Variants in STXBP4 observed in about 807,000 individuals in gnomAD.
STXBP4 encodes syntaxin binding protein 4.
A neutral mutation model predicts 76.1 loss-of-function variants in STXBP4; 55 were observed. The observed-to-expected ratio is 0.72, with a 90% confidence interval of 0.58 to 0.91. The LOEUF (loss-of-function observed/expected upper bound fraction) is 0.91, where lower values mean the gene tolerates loss of function less well. Among genes scored for constraint, STXBP4 ranks in the 40% least tolerant of loss-of-function variants. STXBP4 has a pLI of 0.00. For missense variants in STXBP4, 618 were observed against 636.9 expected, an observed-to-expected ratio of 0.97 and a Z score of 0.32; for synonymous variants, 201 against 220.2, an observed-to-expected ratio of 0.91 and a Z score of 0.77.
chr17:55,203,422 G>A, the STXBP4 span, among the ~76,000 whole-genome samples: 2 of 152,074 alleles, frequency 1.3e-5, no homozygotes, highest in African/African-American at 2.4e-5. Flanking sequence ...TTAAAAAAAC[G>A]ACAGCTACAT....
At chr17:55,001,811 T>TTACTA (rs1339439081) in intron 7 of STXBP4, among the ~76,000 whole-genome samples, 4 of 152,112 alleles carry the variant, frequency 2.6e-5, no homozygotes, top group African/African-American at 9.7e-5. Context: ...TTTTTGTACT[T>TTACTA]TTAGTAGAGA....
Position 55,048,180 on chromosome 17 carries a change from G to C in STXBP4, c.1011+1026G>C, listed in dbSNP as rs539051785. On this transcript the variant is annotated intron_variant, in intron 12 of 17. Coordinates refer to ENST00000376352, the MANE Select transcript of STXBP4 (RefSeq NM_178509.6). ...TTTCTGAGGAAGAACCAGATCAATA[G>C]AGAATGGATAGAATTCCTTGGAGAC... Among the ~76,000 whole-genome samples the C allele has an allele frequency of 3.3e-5, 5 of 152,006 alleles. No homozygotes were observed. In the South Asian group the frequency reaches 6.2e-4, roughly 19 times the overall value.
intron 12 of STXBP4, among the ~76,000 whole-genome samples, chr17:55,054,224 C>T (rs986632937): frequency 5.9e-5 from 9 of 152,242 alleles, no homozygotes; most frequent in East Asian, 1.9e-4. Context: ...CAGTGGCTCA[C>T]GCCTATAATC....
At chr17:55,119,380 T>G (rs1200991035) in intron 16 of STXBP4, among the ~76,000 whole-genome samples, 18 of 152,134 alleles carry the variant, frequency 1.2e-4, no homozygotes. Context: ...TGATGGATTG[T>G]AAAGGAGTCA....
intron 1 of STXBP4, among the ~76,000 whole-genome samples, chr17:54,973,161 G>C (rs1056181185): frequency 2.6e-5 from 4 of 152,188 alleles, no homozygotes; most frequent in Non-Finnish European, 5.9e-5. Flanking sequence ...ATGGATAGGG[G>C]AAGCAGGCTT....
At chr17:55,133,732 A>C (rs1357877936) in intron 16 of STXBP4, among the ~76,000 whole-genome samples, 2 of 152,202 alleles carry the variant, frequency 1.3e-5, no homozygotes, top group African/African-American at 4.8e-5. Flanking sequence ...GGTAGTGATC[A>C]ACAGCATCAC....
the STXBP4 span, among the ~76,000 whole-genome samples, chr17:55,193,399 G>C: frequency 6.6e-6 from 1 of 152,140 alleles, no homozygotes; most frequent in Non-Finnish European, 1.5e-5. Flanking sequence ...TAGGATTCTT[G>C]AGCACAGTTT....
At chr17:55,072,872 TA>T in intron 12 of STXBP4, 27 bp from the exon 13 acceptor site, 1 of 1,567,198 alleles carries the variant, frequency 6.4e-7, no homozygotes, top group Non-Finnish European at 8.6e-7. Context: ...ATGTATTTTT[TA>T]AATGACATTA....
At chr17:55,083,207 C>CTGAA (rs1363316161) in intron 16 of STXBP4, among the ~76,000 whole-genome samples, 2 of 152,036 alleles carry the variant, frequency 1.3e-5, no homozygotes, top group African/African-American at 4.8e-5. Flanking sequence ...AACTCCTGGA[C>CTGAA]TGAAGCAATC....
rs1188108381 is a variant in STXBP4, at chr17:55,159,895, C to T, written c.1646C>T (p.Pro549Leu). The T allele has an allele frequency of 1.2e-6, 2 of 1,611,624 alleles. No individual in the cohort carries two copies. The highest frequency in any genetic ancestry group is 1.3e-5 in the African/African-American group (1 of 74,974). The change falls in exon 18 of 18, where the codon CCC (proline) becomes CTC (leucine). Residue 549 changes from proline to leucine, a missense_variant. Transcript: ENST00000376352. ...GAAGAGGATTGCTCTAGAGAACTCC[C>T]CAACCAGAAAAGTTGATGGTTTTCC... ...ENEEDCSREL[P>L]NQKS
chr17:55,184,939 ACAGCTCACTG>A, the STXBP4 span, among the ~76,000 whole-genome samples: 3 of 152,068 alleles, frequency 2.0e-5, no homozygotes, highest in Non-Finnish European at 2.9e-5. Context: ...TGGTACCATC[ACAGCTCACTG>A]CAGCCTTGAC....
the STXBP4 span, among the ~76,000 whole-genome samples, chr17:55,211,798 T>TG: frequency 2.5e-5 from 3 of 119,220 alleles, no homozygotes; most frequent in Admixed American, 1.0e-4. Context: ...TGTTTTTTGT[T>TG]GTTTTTTTTT....
At chr17:55,002,488 T>C (rs2077937939) in intron 7 of STXBP4, among the ~76,000 whole-genome samples, 1 of 152,176 alleles carries the variant, frequency 6.6e-6, no homozygotes, top group South Asian at 2.1e-4. Flanking sequence ...TGCATGTATT[T>C]GTTTATAGAT....
the STXBP4 span, among the ~76,000 whole-genome samples, chr17:55,195,107 T>C: frequency 6.6e-6 from 1 of 152,204 alleles, no homozygotes; most frequent in African/African-American, 2.4e-5. Context: ...CTAGGTCACC[T>C]TATGGGTCAA....
At chr17:55,049,577 G>A (rs1404526741) in intron 12 of STXBP4, among the ~76,000 whole-genome samples, 1 of 151,670 alleles carries the variant, frequency 6.6e-6, no homozygotes, top group East Asian at 1.9e-4. Flanking sequence ...AAGTAATAAT[G>A]GAAAGGTAAC....
chr17:55,136,396 T>C (rs894835508), intron 16 of STXBP4, among the ~76,000 whole-genome samples: 7 of 152,226 alleles, frequency 4.6e-5, no homozygotes, highest in African/African-American at 1.7e-4. Context: ...TTGTCAAACA[T>C]AATCATTATT....
At chr17:55,025,785 A>G (rs540779423) in intron 8 of STXBP4, among the ~76,000 whole-genome samples, 13 of 152,322 alleles carry the variant, frequency 8.5e-5, no homozygotes, top group African/African-American at 2.4e-4. Context: ...GGTTCTAGCC[A>G]GGATAATTAG....
chr17:55,072,988 A>G lies in STXBP4; in HGVS notation c.1100A>G (p.Glu367Gly), dbSNP rs2144874215. ...EAAQRQAHGM[E>G]MDYEEVIRLL... Reference sequence around the variant, plus strand: ...GCTCAGAGACAGGCACATGGAATGGAAATGGACTATGAAGAAGTGATCCGT... The same window carrying G: ...GCTCAGAGACAGGCACATGGAATGGGAATGGACTATGAAGAAGTGATCCGT... Residue 367 changes from glutamate to glycine, a missense_variant, in exon 13 of 18, where the codon GAA (glutamate) becomes GGA (glycine). By Grantham distance (98) the Glu-to-Gly change is moderately conservative. Transcript: ENST00000376352. 6.2e-7 allele frequency: 1 copy of G among 1,614,050 alleles called. No homozygotes were observed.
At chr17:55,151,963 G>A (rs901831026) in intron 17 of STXBP4, among the ~76,000 whole-genome samples, 10 of 152,170 alleles carry the variant, frequency 6.6e-5, no homozygotes, top group African/African-American at 2.4e-5. Flanking sequence ...GAGAATATTG[G>A]TGAGAAGGAC....
Sources: gnomAD v4.1 joint callset for allele counts (sites outside exome capture counted in the v4.1 genomes callset) on GRCh38, gnomAD v4.1.1 for gene constraint, MANE v1.5 for transcripts, NCBI Gene and HGNC (gene_info 2026-07-23, HGNC 2026-07-21) for gene names.